MCTP2: variants seen among roughly 807,000 people sequenced by gnomAD.
MCTP2 encodes the protein multiple C2 and transmembrane domain containing 2.
A neutral mutation model predicts 111.6 loss-of-function variants in MCTP2; 132 were observed. That is an observed-to-expected ratio of 1.18 (90% CI 1.03 to 1.37). The LOEUF (loss-of-function observed/expected upper bound fraction) is 1.37. MCTP2 is among the 40% of genes most tolerant of loss of function. The pLI, the probability that MCTP2 is intolerant of heterozygous loss-of-function variation, is 0.00. For synonymous variants in MCTP2, 395 were observed against 387.7 expected (o/e 1.02, Z -0.22); for missense variants, 1,183 against 1,067.9 (o/e 1.11, Z -1.50).
chr15:94,321,940 G>A (rs758749548), intron 4 of MCTP2, among the ~76,000 whole-genome samples: 3 of 152,172 alleles, frequency 2.0e-5, no homozygotes, highest in Non-Finnish European at 4.4e-5. Context: ...TATTCGTTAG[G>A]TGAAAGTGGA....
intron 1 of MCTP2, among the ~76,000 whole-genome samples, chr15:94,282,626 T>C (rs8041418): frequency 0.52 from 78,869 of 152,044 alleles, 20,578 homozygotes; most frequent in East Asian, 0.61. Context: ...GCTTTTAGAG[T>C]TGCCAGAGAT....
intron 7 of MCTP2, among the ~76,000 whole-genome samples, chr15:94,344,360 T>A (rs1363688691): frequency 1.3e-5 from 2 of 152,206 alleles, no homozygotes; most frequent in Admixed American, 6.5e-5. Context: ...TGTGGTCTGC[T>A]CAATTAGGTT....
In MCTP2 at chr15:94,442,217, C is replaced by T. The variant is rs192830071; in HGVS notation, c.2209-702C>T. Among the ~76,000 whole-genome samples, 6 of 152,276 alleles carry T rather than the reference C, an allele frequency of 3.9e-5. No individual in the cohort carries two copies. The East Asian group carries it at 1.2e-3, about 29-fold the overall frequency. ...ACTACTGACCCTATTTGATTATGTA[C>T]CAACAGATATTAGTTTTTAAACATT... On this transcript the variant is annotated intron_variant, in intron 18 of 22. Transcript: ENST00000357742.
In MCTP2 at chr15:94,464,239, AAT is replaced by A. The variant is rs1555481312; in HGVS notation, c.2360+6010_2360+6011del. 7.1e-3 allele frequency among the ~76,000 whole-genome samples: 638 copies of A among 89,320 alleles called. 55 individuals carry two copies. The highest frequency in any genetic ancestry group is 0.011 in the African/African-American group (230 of 21,252). The allele number at this position is 89,320 out of a possible 152,430, so 58.6% of individuals were successfully genotyped here. A position where few individuals can be genotyped will look rare whatever the true frequency, so the allele number is the denominator to read the frequency against. ...TGAAATATTATATGTTTATATATAT[AAT>A]ATATATATATATATATTATATATAT... On this transcript the variant is annotated intron_variant, in intron 20 of 22. Transcript: ENST00000357742.
At chr15:94,444,142 C>T (rs905267295) in intron 19 of MCTP2, among the ~76,000 whole-genome samples, 42 of 152,042 alleles carry the variant, frequency 2.8e-4, no homozygotes, top group Admixed American at 1.5e-3. Context: ...ATTTCTAGAA[C>T]GGCTCACAAA....
chr15:94,445,941 C>T (rs939084129), intron 19 of MCTP2, among the ~76,000 whole-genome samples: 2 of 152,166 alleles, frequency 1.3e-5, no homozygotes, highest in African/African-American at 4.8e-5. Context: ...AAAAGCGTGC[C>T]GGGGCCTGTT....
chr15:94,334,561 G>A (rs2077267895), intron 4 of MCTP2, among the ~76,000 whole-genome samples: 1 of 152,136 alleles, frequency 6.6e-6, no homozygotes, highest in South Asian at 2.1e-4. Context: ...AGAGAGACAG[G>A]GTCTTGCCCT....
rs958665084 is a variant in MCTP2 at position 94,332,128 on chromosome 15, C to G, written c.638-7162C>G. On this transcript the variant is annotated intron_variant, in intron 4 of 22. Transcript: ENST00000357742. The stretch of plus-strand genomic sequence containing the variant: ...AGAAGTTCCTTCTTTCTCAGATGGC[C>G]GAGGAAAAATGTCCTGTAAATTTCC... Among the ~76,000 whole-genome samples, 7 of 152,142 alleles carry G rather than the reference C, an allele frequency of 4.6e-5. No homozygotes were observed. In the East Asian group the frequency reaches 1.2e-3, roughly 25 times the overall value.
chr15:94,367,102 T>C (rs61267276), intron 10 of MCTP2, among the ~76,000 whole-genome samples: 3,156 of 152,264 alleles, frequency 0.021, 114 homozygotes, highest in African/African-American at 0.071. Context: ...TTTTTTAAAA[T>C]AAAAATTCGC....
At chr15:94,375,608 GAA>G (rs1467698516) in intron 12 of MCTP2, among the ~76,000 whole-genome samples, 2 of 152,108 alleles carry the variant, frequency 1.3e-5, no homozygotes, top group African/African-American at 4.8e-5. Context: ...CATCAATCAT[GAA>G]AAGTTTCCAA....
intron 17 of MCTP2, among the ~76,000 whole-genome samples, chr15:94,437,155 CAAA>C (rs11352999): frequency 0.17 from 11,893 of 69,330 alleles, 394 homozygotes; most frequent in East Asian, 0.29. Flanking sequence ...CTTACACATC[CAAA>C]AAAAAAAAAA....
chr15:94,386,953 T>C (rs2080524943), intron 14 of MCTP2, among the ~76,000 whole-genome samples: 1 of 152,158 alleles, frequency 6.6e-6, no homozygotes, highest in Non-Finnish European at 1.5e-5. Flanking sequence ...CTTTCTCTTC[T>C]TCCCTCCTTG....
chr15:94,445,137 C>T (rs1290808583), intron 19 of MCTP2, among the ~76,000 whole-genome samples: 1 of 152,200 alleles, frequency 6.6e-6, no homozygotes, highest in Non-Finnish European at 1.5e-5. Flanking sequence ...GTTGGAACAG[C>T]AGCATCCATA....
chr15:94,302,733 A>C (rs2075681940), intron 2 of MCTP2, among the ~76,000 whole-genome samples: 1 of 152,190 alleles, frequency 6.6e-6, no homozygotes, highest in Non-Finnish European at 1.5e-5. Context: ...GTTCAAGCCA[A>C]ACATCTGTGA....
chr15:94,282,162 T>C (rs908536482), intron 1 of MCTP2, among the ~76,000 whole-genome samples: 3 of 152,226 alleles, frequency 2.0e-5, no homozygotes, highest in Non-Finnish European at 2.9e-5. Context: ...TTTCTAACTC[T>C]GTGTCTTTCA....
At chr15:94,380,791 C>T (rs2080093907) in intron 12 of MCTP2, among the ~76,000 whole-genome samples, 2 of 151,684 alleles carry the variant, frequency 1.3e-5, no homozygotes, top group Admixed American at 6.6e-5. Context: ...GGGGGGTTAT[C>T]AAATGAATGA....
intron 1 of MCTP2, among the ~76,000 whole-genome samples, chr15:94,243,023 G>A (rs532790920): frequency 1.3e-5 from 1 of 75,428 alleles, no homozygotes; most frequent in African/African-American, 5.6e-5. Flanking sequence ...GTGTATATGT[G>A]TATCTACACA....
chr15:94,262,903 T>G (rs918683050), intron 1 of MCTP2, among the ~76,000 whole-genome samples: 14 of 152,322 alleles, frequency 9.2e-5, no homozygotes, highest in African/African-American at 3.1e-4. Flanking sequence ...ACTCCTGGCC[T>G]CCTGTGATCC....
intron 1 of MCTP2, among the ~76,000 whole-genome samples, chr15:94,295,486 C>T (rs2152330895): frequency 6.6e-6 from 1 of 152,154 alleles, no homozygotes; most frequent in East Asian, 1.9e-4. Context: ...CCACAGAAAC[C>T]ACAGTGCTGC....
Sources: allele counts gnomAD v4.1 joint callset (sites outside exome capture counted in the v4.1 genomes callset), GRCh38; gene constraint gnomAD v4.1.1; transcripts MANE v1.5; gene names NCBI Gene and HGNC (gene_info 2026-07-23, HGNC 2026-07-21).